Variants in CDH4 observed in about 807,000 individuals in gnomAD.
CDH4 encodes the protein cadherin-4.
Under a neutral mutation model 86.0 loss-of-function variants are expected in CDH4, and 33 were observed. That is an observed-to-expected ratio of 0.38 (90% CI 0.29 to 0.51). CDH4 has a LOEUF of 0.51. Among genes scored for constraint, CDH4 ranks in the 20% least tolerant of loss-of-function variants. The pLI is 0.86. For missense variants in CDH4, 1,114 were observed against 1,307.4 expected (o/e 0.85, Z 2.28); for synonymous variants, 555 against 549.4 (o/e 1.01, Z -0.14).
intron 6 of CDH4, among the ~76,000 whole-genome samples, chr20:61,867,253 A>G (rs1983589501): frequency 2.0e-5 from 3 of 152,246 alleles, no homozygotes; most frequent in Admixed American, 2.0e-4. Context: ...ACCTCCCCTC[A>G]AAGAGCTTAT....
chr20:61,715,849 C>T (rs2145904814), intron 2 of CDH4, among the ~76,000 whole-genome samples: 1 of 152,354 alleles, frequency 6.6e-6, no homozygotes, highest in Middle Eastern at 3.4e-3. Context: ...GGCCTGAGGG[C>T]CATAGCAGGA....
intron 4 of CDH4, 81 bp from the exon 5 acceptor site, chr20:61,844,587 G>A: frequency 7.3e-7 from 1 of 1,363,678 alleles, no homozygotes; most frequent in East Asian, 2.4e-5. Context: ...GAACTCATGA[G>A]AGGGGATGAA....
intron 4 of CDH4, among the ~76,000 whole-genome samples, chr20:61,822,718 G>A (rs1190860263): frequency 1.3e-5 from 2 of 152,196 alleles, no homozygotes. Flanking sequence ...GGCGGGAAAA[G>A]GTCAATTTTC....
chr20:61,697,708 A>G (rs1312991566), intron 2 of CDH4, among the ~76,000 whole-genome samples: 2 of 152,022 alleles, frequency 1.3e-5, no homozygotes, highest in Non-Finnish European at 2.9e-5. Context: ...ATCTAAACTC[A>G]TGGGCCCTCC....
At chr20:61,900,301 GC>G (rs1985331399) in intron 8 of CDH4, among the ~76,000 whole-genome samples, 1 of 151,804 alleles carries the variant, frequency 6.6e-6, no homozygotes, top group Non-Finnish European at 1.5e-5. Context: ...CGGACTCAGT[GC>G]CCTTAATTAC....
chr20:61,808,437 G>A (rs1003470648), intron 4 of CDH4, among the ~76,000 whole-genome samples: 1 of 152,108 alleles, frequency 6.6e-6, no homozygotes, highest in African/African-American at 2.4e-5. Context: ...CAGTCGGTGG[G>A]GAAAGCCTCC....
At chr20:61,525,171 C>A (rs2085901253) in intron 2 of CDH4, among the ~76,000 whole-genome samples, 1 of 152,090 alleles carries the variant, frequency 6.6e-6, no homozygotes, top group African/African-American at 2.4e-5. Context: ...CTCAGTCATC[C>A]CCCCTATAAT....
At chr20:61,598,398 ACC>A (rs1418699963) in intron 2 of CDH4, among the ~76,000 whole-genome samples, 5 of 146,092 alleles carry the variant, frequency 3.4e-5, no homozygotes, top group African/African-American at 1.3e-4. Flanking sequence ...ACCCCCCAAA[ACC>A]CCCAGCCCAG....
In CDH4 at chr20:61,812,045, C is replaced by T. The variant is rs964931716; in HGVS notation, c.577-32623C>T. 4.6e-5 allele frequency among the ~76,000 whole-genome samples: 7 copies of T among 152,134 alleles called. No homozygotes were observed. The East Asian group carries it at 7.7e-4, about 17-fold the overall frequency. On this transcript the variant is annotated intron_variant, in intron 4 of 15. Transcript: ENST00000614565. ...TGTGGTTTTCCCATCTGCCCGCCTT[C>T]GTCTTTCCTGTTTCTCCCCCGCTGC...
intron 6 of CDH4, among the ~76,000 whole-genome samples, chr20:61,855,130 G>A (rs1177985209): frequency 1.4e-5 from 2 of 141,230 alleles, no homozygotes; most frequent in African/African-American, 5.4e-5. Flanking sequence ...AGTGTGAACA[G>A]GGTGAATTGT....
At chr20:61,775,036 C>T (rs945374238) in intron 4 of CDH4, among the ~76,000 whole-genome samples, 1 of 152,122 alleles carries the variant, frequency 6.6e-6, no homozygotes, top group Non-Finnish European at 1.5e-5. Context: ...TTTGGGTGTA[C>T]ACTTAGCAAT....
chr20:61,605,191 G>A (rs907009794), intron 2 of CDH4, among the ~76,000 whole-genome samples: 5 of 152,174 alleles, frequency 3.3e-5, no homozygotes, highest in African/African-American at 9.6e-5. Flanking sequence ...GGTAGGCAGC[G>A]AGGTATCTGC....
At chr20:61,705,342 G>T (rs1419054103) in intron 2 of CDH4, among the ~76,000 whole-genome samples, 1 of 152,226 alleles carries the variant, frequency 6.6e-6, no homozygotes, top group Non-Finnish European at 1.5e-5. Context: ...TACAACAGCC[G>T]ATCTGGGGGA....
chr20:61,531,660 G>A (rs574085378), intron 2 of CDH4, among the ~76,000 whole-genome samples: 1 of 152,138 alleles, frequency 6.6e-6, no homozygotes, highest in African/African-American at 2.4e-5. Context: ...CCTGGGGGTG[G>A]GCTGGAGGGC....
At chr20:61,388,644 CG>C (rs1167409342) in intron 2 of CDH4, among the ~76,000 whole-genome samples, 1 of 152,124 alleles carries the variant, frequency 6.6e-6, no homozygotes. Context: ...TAAAACAACT[CG>C]GGGGTACTCT....
At chr20:61,390,045 G>A (rs974232416) in intron 2 of CDH4, among the ~76,000 whole-genome samples, 10 of 150,986 alleles carry the variant, frequency 6.6e-5, no homozygotes, top group African/African-American at 9.8e-5. Context: ...GATTGAGATC[G>A]TGCAGTCATA....
intron 3 of CDH4, among the ~76,000 whole-genome samples, chr20:61,768,319 A>G (rs928569676): frequency 1.3e-5 from 2 of 152,188 alleles, no homozygotes; most frequent in African/African-American, 4.8e-5. Flanking sequence ...ACACCCATAC[A>G]TCTGTGCATA....
At chr20:61,333,467 A>G (rs2084597032) in intron 2 of CDH4, among the ~76,000 whole-genome samples, 1 of 152,204 alleles carries the variant, frequency 6.6e-6, no homozygotes, top group African/African-American at 2.4e-5. Context: ...GTCACCAGAT[A>G]ATCCAGCCAA....
At chr20:61,489,274 G>T (rs1022306031) in intron 2 of CDH4, among the ~76,000 whole-genome samples, 9 of 152,292 alleles carry the variant, frequency 5.9e-5, no homozygotes, top group Middle Eastern at 6.8e-3. Flanking sequence ...ATAGAACCAG[G>T]TTCAGACCCA....
Sources: allele counts gnomAD v4.1 joint callset (sites outside exome capture counted in the v4.1 genomes callset), GRCh38; gene constraint gnomAD v4.1.1; transcripts MANE v1.5; gene names NCBI Gene and HGNC (gene_info 2026-07-23, HGNC 2026-07-21).